Variants in AGMO observed in about 807,000 individuals in gnomAD.
The protein encoded by AGMO is alkylglycerol monooxygenase, also known as glyceryl-ether monooxygenase.
AGMO carries 75 observed loss-of-function variants against 60.2 expected under a neutral mutation model. The observed-to-expected ratio is 1.25, with a 90% confidence interval of 1.03 to 1.51. The LOEUF is 1.51. Among genes scored for constraint, AGMO ranks in the 40% most tolerant of loss-of-function variants. The probability of loss-of-function intolerance (pLI) is 0.00; values close to 1 mark genes in which losing one functional copy is unlikely to be tolerated. For missense variants in AGMO, 763 were observed against 525.5 expected (o/e 1.45, Z -4.42); for synonymous variants, 261 against 177.1 (o/e 1.47, Z -3.76).
chr7:15,327,342 A>G (rs934886955), intron 12 of AGMO, among the ~76,000 whole-genome samples: 1 of 152,216 alleles, frequency 6.6e-6, no homozygotes, highest in Non-Finnish European at 1.5e-5. Context: ...AAGACCAAAC[A>G]TCTTGGGATA....
chr7:15,426,664 G>A (rs140987374), intron 4 of AGMO, among the ~76,000 whole-genome samples: 1,899 of 152,156 alleles, frequency 0.012, 20 homozygotes, highest in Middle Eastern at 0.072. Flanking sequence ...CAAAAGAATC[G>A]CTTGAACCCA....
chr7:15,373,059 T>C (rs183816669), intron 10 of AGMO, among the ~76,000 whole-genome samples: 44 of 152,176 alleles, frequency 2.9e-4, no homozygotes, highest in African/African-American at 1.0e-3. Context: ...AGGCCAGGAG[T>C]TCGAGACCAG....
At chr7:15,503,226 T>C (rs926231658) in intron 3 of AGMO, among the ~76,000 whole-genome samples, 33 of 152,024 alleles carry the variant, frequency 2.2e-4, no homozygotes, top group Non-Finnish European at 2.8e-4. Flanking sequence ...ATAGAGATGA[T>C]TGTTGAACAA....
At chr7:15,493,698 T>G (rs1783139372) in intron 3 of AGMO, among the ~76,000 whole-genome samples, 1 of 152,114 alleles carries the variant, frequency 6.6e-6, no homozygotes, top group Non-Finnish European at 1.5e-5. Context: ...CCCTGATCAT[T>G]TGATAATATC....
At chr7:15,275,779 C>G (rs547666781) in intron 12 of AGMO, among the ~76,000 whole-genome samples, 1 of 152,052 alleles carries the variant, frequency 6.6e-6, no homozygotes, top group African/African-American at 2.4e-5. Context: ...AACCATTTAT[C>G]ATTATATGAT....
rs562296228 is a variant in AGMO at position 15,286,577 on chromosome 7, G to T, written c.1263+78937C>A. 5.3e-5 allele frequency among the ~76,000 whole-genome samples: 8 copies of T among 152,150 alleles called. No individual in the cohort carries two copies. The South Asian group carries it at 1.7e-3, about 32-fold the overall frequency. On this transcript the variant is annotated intron_variant, in intron 12 of 12. Coordinates refer to ENST00000342526, the MANE Select transcript of AGMO (RefSeq NM_001004320.2). ...TTATTATAAAGTCAAAAAAAGAATA[G>T]ATGTTTGTGCAGGTATGGTGAAAGG...
intron 3 of AGMO, among the ~76,000 whole-genome samples, chr7:15,502,371 A>G (rs12537333): frequency 0.76 from 114,580 of 151,548 alleles, 44,498 homozygotes; most frequent in East Asian, 0.97. Context: ...CAGGAGGCTG[A>G]GAAGCAATTT....
At chr7:15,551,517 A>G (rs1161155563) in intron 2 of AGMO, among the ~76,000 whole-genome samples, 10 of 137,532 alleles carry the variant, frequency 7.3e-5, no homozygotes, top group Non-Finnish European at 1.2e-4. Context: ...ATTCTTATAC[A>G]CCAACAACAG....
At chr7:15,555,292 T>TATACAC (rs1213509604) in intron 2 of AGMO, among the ~76,000 whole-genome samples, 61 of 95,848 alleles carry the variant, frequency 6.4e-4, no homozygotes, top group South Asian at 2.2e-3. Flanking sequence ...TATATATATA[T>TATACAC]ACACACACAC....
chr7:15,329,973 G>A (rs901088630), intron 12 of AGMO, among the ~76,000 whole-genome samples: 7 of 152,064 alleles, frequency 4.6e-5, no homozygotes, highest in African/African-American at 1.7e-4. Context: ...GCTGCACTCA[G>A]GTAACTAATG....
At chr7:15,458,394 A>C (rs1284637572) in intron 3 of AGMO, among the ~76,000 whole-genome samples, 3 of 152,202 alleles carry the variant, frequency 2.0e-5, no homozygotes, top group Non-Finnish European at 4.4e-5. Context: ...TGGCACTGAC[A>C]GTTTGCATGA....
At chr7:15,405,870 A>G (rs866893577) in intron 5 of AGMO, among the ~76,000 whole-genome samples, 19 of 151,954 alleles carry the variant, frequency 1.3e-4, no homozygotes, top group Non-Finnish European at 1.0e-4. Context: ...CTAAAATAGG[A>G]CAGATTTCTC....
intron 3 of AGMO, among the ~76,000 whole-genome samples, chr7:15,466,540 C>T (rs962585196): frequency 6.6e-6 from 1 of 152,140 alleles, no homozygotes; most frequent in East Asian, 1.9e-4. Context: ...AAGGAACTTG[C>T]CTAGGGTTTT....
At chr7:15,157,338 G>A in the AGMO span, among the ~76,000 whole-genome samples, 1 of 152,228 alleles carries the variant, frequency 6.6e-6, no homozygotes. Flanking sequence ...GGAGTGACAG[G>A]GAGTTAACAC....
At chr7:15,536,002 G>T (rs1316931849) in intron 3 of AGMO, among the ~76,000 whole-genome samples, 1 of 151,672 alleles carries the variant, frequency 6.6e-6, no homozygotes, top group Non-Finnish European at 1.5e-5. Flanking sequence ...GAGTTATTCT[G>T]GGAATTAAAT....
chr7:15,341,648 A>G (rs1781851561), intron 12 of AGMO, among the ~76,000 whole-genome samples: 5 of 152,014 alleles, frequency 3.3e-5, no homozygotes, highest in African/African-American at 1.2e-4. Context: ...GCACACCACT[A>G]CCCAGTACCA....
intron 3 of AGMO, among the ~76,000 whole-genome samples, chr7:15,544,041 T>C (rs956518702): frequency 1.3e-5 from 2 of 151,778 alleles, no homozygotes; most frequent in Non-Finnish European, 2.9e-5. Context: ...TACTCAGCCA[T>C]AAAAAGGAAT....
chr7:15,127,540 C>T, the AGMO span, among the ~76,000 whole-genome samples: 1 of 151,970 alleles, frequency 6.6e-6, no homozygotes, highest in Admixed American at 6.6e-5. Context: ...AAATACGTTC[C>T]AAATTAATGA....
At chr7:15,124,252 G>T in the AGMO span, among the ~76,000 whole-genome samples, 3 of 151,850 alleles carry the variant, frequency 2.0e-5, no homozygotes, top group East Asian at 1.9e-4. Context: ...TGGCTGACTG[G>T]TTTTTTCCCT....
Sources: allele counts gnomAD v4.1 joint callset (sites outside exome capture counted in the v4.1 genomes callset), GRCh38; gene constraint gnomAD v4.1.1; transcripts MANE v1.5; gene names NCBI Gene and HGNC (gene_info 2026-07-23, HGNC 2026-07-21).